Variants in EPM2A observed in about 807,000 individuals in gnomAD.
EPM2A encodes the protein laforin.
A neutral mutation model predicts 26.5 loss-of-function variants in EPM2A; 21 were observed. That is an observed-to-expected ratio of 0.79 (90% CI 0.56 to 1.14). The LOEUF (loss-of-function observed/expected upper bound fraction) is 1.14. Among genes scored for constraint, EPM2A ranks in the 50% most tolerant of loss-of-function variants. The pLI, the probability that EPM2A is intolerant of heterozygous loss-of-function variation, is 0.00. For missense variants in EPM2A, 458 were observed against 440.8 expected (o/e 1.04, Z -0.35); for synonymous variants, 217 against 177.6 (o/e 1.22, Z -1.76).
Position 145,571,519 on chromosome 6 carries a change from A to G in EPM2A, c.340+63726T>C, listed in dbSNP as rs183349651. Among the ~76,000 whole-genome samples, 5 of 152,270 alleles carry G rather than the reference A, an allele frequency of 3.3e-5. No homozygotes were observed. In the East Asian group the frequency reaches 9.7e-4, roughly 29 times the overall value. ...GAAGCAATGTGTGCCAGATAGACAA[A>G]CCCATATCTAGAGTAAGTGTCCATT... is the stretch of plus-strand genomic sequence containing the variant. On this transcript the variant is annotated intron_variant, in intron 2 of 3. Transcript: ENST00000450221.
intron 4 of EPM2A, among the ~76,000 whole-genome samples, chr6:145,444,866 GTTGT>G (rs763118666): frequency 6.6e-5 from 10 of 152,074 alleles, no homozygotes; most frequent in African/African-American, 9.6e-5. Context: ...TAAAGCAGTT[GTTGT>G]TTGTTTGTTA....
At chr6:145,680,968 C>G (rs974950007) in intron 2 of EPM2A, among the ~76,000 whole-genome samples, 6 of 151,434 alleles carry the variant, frequency 4.0e-5, no homozygotes, top group Non-Finnish European at 7.4e-5. Flanking sequence ...AATCGCCACA[C>G]TGACTTCCAC....
intron 4 of EPM2A, among the ~76,000 whole-genome samples, chr6:145,472,790 C>A (rs1339848060): frequency 6.6e-6 from 1 of 152,154 alleles, no homozygotes; most frequent in Non-Finnish European, 1.5e-5. Context: ...TTGTCCAAGA[C>A]AACAAAGGCG....
At chr6:145,539,457 T>A (rs1780477769) in intron 2 of EPM2A, among the ~76,000 whole-genome samples, 1 of 152,194 alleles carries the variant, frequency 6.6e-6, no homozygotes, top group Non-Finnish European at 1.5e-5. Context: ...TTGGAGGGCC[T>A]AAATGTAAGG....
At chr6:145,610,139 GGGA>G (rs1181775785) in intron 2 of EPM2A, among the ~76,000 whole-genome samples, 1 of 151,924 alleles carries the variant, frequency 6.6e-6, no homozygotes, top group Non-Finnish European at 1.5e-5. Flanking sequence ...GCTTAAACCC[GGGA>G]GGAGGAGGTT....
chr6:145,427,878 T>C (rs1778871427), intron 4 of EPM2A, among the ~76,000 whole-genome samples: 1 of 152,180 alleles, frequency 6.6e-6, no homozygotes, highest in African/African-American at 2.4e-5. Flanking sequence ...CAACTTTAAA[T>C]CACATTTTAC....
Position 145,689,410 on chromosome 6 carries a change from A to G in EPM2A, c.302-3114T>C, listed in dbSNP as rs553598134. 2.0e-5 allele frequency among the ~76,000 whole-genome samples: 3 copies of G among 152,334 alleles called. No individual in the cohort carries two copies. In the South Asian group the frequency reaches 6.2e-4, roughly 32 times the overall value. On this transcript the variant is annotated intron_variant, in intron 1 of 3. Transcript: ENST00000367519. Reference sequence around the variant, plus strand: ...TAATTTAAAACCCTGAAAATTATAAATAAACAAACATAAGATAACTTTGAA... The same window carrying G: ...TAATTTAAAACCCTGAAAATTATAAGTAAACAAACATAAGATAACTTTGAA...
chr6:145,687,025 T>G (rs1033845145), intron 1 of EPM2A: 1 of 152,304 alleles, frequency 6.6e-6, no homozygotes, highest in African/African-American at 2.4e-5. Context: ...CAGACACACA[T>G]CTCTAAAAAT....
At chr6:145,596,185 T>A (rs1306073112) in intron 2 of EPM2A, among the ~76,000 whole-genome samples, 1 of 152,230 alleles carries the variant, frequency 6.6e-6, no homozygotes, top group African/African-American at 2.4e-5. Flanking sequence ...CAACTAATTT[T>A]TACACTTTGC....
chr6:145,541,177 CTGTGTGTG>C (rs5880647), intron 2 of EPM2A, among the ~76,000 whole-genome samples: 52,168 of 147,122 alleles, frequency 0.35, 9,549 homozygotes, highest in South Asian at 0.5. Flanking sequence ...ATATATATAT[CTGTGTGTG>C]TGTGTGTGTG....
chr6:145,525,243 AT>A (rs1162714327), intron 2 of EPM2A, among the ~76,000 whole-genome samples: 2 of 150,470 alleles, frequency 1.3e-5, no homozygotes, highest in South Asian at 2.1e-4. Context: ...TTATTTATTT[AT>A]TTATTTATTT....
intron 4 of EPM2A, among the ~76,000 whole-genome samples, chr6:145,458,878 G>C (rs1345277829): frequency 6.6e-6 from 1 of 151,296 alleles, no homozygotes; most frequent in African/African-American, 2.4e-5. Context: ...ACATTTTTTT[G>C]GAGAGAACTC....
intron 4 of EPM2A, among the ~76,000 whole-genome samples, chr6:145,450,242 A>G (rs572345350): frequency 1.3e-5 from 2 of 151,154 alleles, no homozygotes; most frequent in East Asian, 3.9e-4. Flanking sequence ...AGTTTCAGCT[A>G]CTCGGGAGGC....
At chr6:145,503,512 A>G (rs1779925142) in intron 2 of EPM2A, among the ~76,000 whole-genome samples, 3 of 90,636 alleles carry the variant, frequency 3.3e-5, no homozygotes, top group African/African-American at 5.7e-5. Flanking sequence ...AAGAGAATAA[A>G]ATACCTAGGA....
chr6:145,454,559 T>A (rs1779236411), intron 4 of EPM2A, among the ~76,000 whole-genome samples: 1 of 152,120 alleles, frequency 6.6e-6, no homozygotes. Context: ...ACACTCCCAA[T>A]AAAAGTAAGA....
At chr6:145,456,563 T>C (rs1779265066) in intron 4 of EPM2A, among the ~76,000 whole-genome samples, 1 of 152,204 alleles carries the variant, frequency 6.6e-6, no homozygotes, top group Admixed American at 6.5e-5. Flanking sequence ...TCCTGGATTA[T>C]TTCATTTGAC....
chr6:145,711,490 T>C (rs746564624), intron 1 of EPM2A, among the ~76,000 whole-genome samples: 1 of 152,178 alleles, frequency 6.6e-6, no homozygotes, highest in Non-Finnish European at 1.5e-5. Context: ...AAAAGTCTTG[T>C]AGACAAGAGG....
intron 4 of EPM2A, among the ~76,000 whole-genome samples, chr6:145,426,211 T>C (rs1005862732): frequency 4.6e-5 from 7 of 152,168 alleles, no homozygotes; most frequent in South Asian, 2.1e-4. Context: ...TAGGGACCCA[T>C]CACTTTTTCC....
chr6:145,427,919 C>T (rs151213971), intron 4 of EPM2A, among the ~76,000 whole-genome samples: 17 of 152,188 alleles, frequency 1.1e-4, no homozygotes, highest in Admixed American at 6.5e-4. Context: ...CCAGGAAGTA[C>T]ATCAGTATTT....
Sources: gnomAD v4.1 joint callset for allele counts (sites outside exome capture counted in the v4.1 genomes callset) on GRCh38, gnomAD v4.1.1 for gene constraint, MANE v1.5 for transcripts, NCBI Gene and HGNC (gene_info 2026-07-23, HGNC 2026-07-21) for gene names.